Variants in CUX2 observed in about 807,000 individuals in gnomAD.
CUX2 encodes cut like homeobox 2, also known as homeobox protein cut-like 2.
In CUX2, 40 loss-of-function variants were observed where a neutral mutation model predicts 144.8. That is an observed-to-expected ratio of 0.28 (90% confidence interval 0.21 to 0.36). CUX2 has a LOEUF of 0.36. CUX2 is among the 10% of genes least tolerant of loss of function. The probability of loss-of-function intolerance (pLI) is 1.00; values close to 1 mark genes in which losing one functional copy is unlikely to be tolerated. For synonymous variants in CUX2, 827 were observed against 875.6 expected, an observed-to-expected ratio of 0.94 and a Z score of 0.98; for missense variants, 1,615 against 1,994.0, an observed-to-expected ratio of 0.81 and a Z score of 3.62.
At position 111,310,709 on chromosome 12, in the gene CUX2, G is replaced by A. The variant is rs374941815; in HGVS notation, c.1900+27G>A. 6.2e-5 allele frequency: 96 copies of A among 1,557,320 alleles called. No individual in the cohort carries two copies. Among genetic ancestry groups the A allele is most frequent in the Non-Finnish European group, 7.2e-5 (83 of 1,147,060 alleles). On this transcript the variant is annotated intron_variant, in intron 15 of 21. Transcript: ENST00000261726. The surrounding 1 kb of genome is among the most constrained non-coding windows in gnomAD (Gnocchi z 7.9). ...TGAGTGCCCAAGAGGGCCCGTCCCCGCTGGCCACCACGCCAGGTCCAGGGC... is the reference window on the plus strand; with the variant it reads ...TGAGTGCCCAAGAGGGCCCGTCCCCACTGGCCACCACGCCAGGTCCAGGGC...
In CUX2 at chr12:111,293,848, C is replaced by T. The variant is rs1242259141; in HGVS notation, c.560+279C>T. On this transcript the variant is annotated intron_variant, in intron 6 of 21. Coordinates refer to ENST00000261726, the MANE Select transcript of CUX2 (RefSeq NM_015267.4). This position sits in a 1 kb window ranked among gnomAD's most constrained non-coding sequence, Gnocchi z 4.5. Reference sequence around the variant, plus strand: ...TAAGGGTGGTCCATTCCTCAGCATTCTCTAGAGAAACTGAACTGGTAGGAT... The same window carrying T: ...TAAGGGTGGTCCATTCCTCAGCATTTTCTAGAGAAACTGAACTGGTAGGAT... Among the ~76,000 whole-genome samples, 18 of 152,222 alleles carry T rather than the reference C, an allele frequency of 1.2e-4. 1 individual carries two copies. Among genetic ancestry groups the T allele is most frequent in the Admixed American group, 1.2e-3 (18 of 15,284 alleles).
chr12:111,325,294 AAAAG>A lies in CUX2; in HGVS notation c.2926+2718_2926+2721del, dbSNP rs555887597. On this transcript the variant is annotated intron_variant, in intron 18 of 21. Transcript: ENST00000261726. ...GGGCGACAGAGCGAGACTCCGTCTC[AAAAG>A]AAAAAAAAAAAAGCAGCCATGCTAA... 8.3e-3 allele frequency among the ~76,000 whole-genome samples: 806 copies of A among 96,538 alleles called. 30 individuals carry two copies. The East Asian group carries it at 0.34, about 41-fold the overall frequency. 63.3% of individuals were successfully genotyped at this position (96,538 alleles called of 152,430 possible). A position where few individuals can be genotyped will look rare whatever the true frequency, so the allele number is the denominator to read the frequency against.
intron 1 of CUX2, among the ~76,000 whole-genome samples, chr12:111,199,114 G>T (rs1003355765): frequency 2.6e-5 from 4 of 152,204 alleles, no homozygotes; most frequent in Non-Finnish European, 4.4e-5. Context: ...GAGGGTAGCA[G>T]CTTGGACAAA....
chr12:111,306,873 A>AC (rs752521078), intron 10 of CUX2, 48 bp from the exon 11 acceptor site: 1 of 1,479,082 alleles, frequency 6.8e-7, no homozygotes, highest in Non-Finnish European at 9.2e-7. Context: ...AGACCTGTGG[A>AC]CCCCCATCCC....
At chr12:111,062,193 T>C (rs1347688778) in intron 1 of CUX2, among the ~76,000 whole-genome samples, 2 of 152,222 alleles carry the variant, frequency 1.3e-5, no homozygotes, top group African/African-American at 2.4e-5. Context: ...GTAGGTACTT[T>C]TCTGCCTGTG....
chr12:111,133,676 TCA>T (rs1180040472), intron 1 of CUX2, among the ~76,000 whole-genome samples: 5 of 152,166 alleles, frequency 3.3e-5, no homozygotes, highest in Non-Finnish European at 5.9e-5. Flanking sequence ...TGCTGGGAAT[TCA>T]GTCTAGTTAC....
At chr12:111,133,029 C>T (rs1448919941) in intron 1 of CUX2, among the ~76,000 whole-genome samples, 1 of 152,158 alleles carries the variant, frequency 6.6e-6, no homozygotes, top group East Asian at 1.9e-4. Context: ...AGTCTCTTTG[C>T]TAAAACATAA....
At position 111,214,304 on chromosome 12, in the gene CUX2, A is replaced by T. The variant is rs753357543; in HGVS notation, c.168A>T (p.Val56=). 1.3e-6 allele frequency: 2 copies of T among 1,570,302 alleles called. No homozygotes were observed. Among genetic ancestry groups the T allele is most frequent in the Non-Finnish European group, 1.7e-6 (2 of 1,145,442 alleles). ...TCCGCCGGGAATTTAAGAAAAATGT[A>T]CCTGAGGTATGGTATATTTGCCGTT... ...IELRREFKKN[V]PEEIREMVAP... is the part of the protein sequence containing the mutation. Residue 56 remains valine, a synonymous_variant, in exon 2 of 22, where the codon GTA becomes GTT. Coordinates refer to ENST00000261726, the MANE Select transcript of CUX2 (RefSeq NM_015267.4).
chr12:111,261,943 C>T (rs1189811941), intron 3 of CUX2, among the ~76,000 whole-genome samples: 1 of 152,096 alleles, frequency 6.6e-6, no homozygotes, highest in Non-Finnish European at 1.5e-5. Flanking sequence ...TTAAAAAAGA[C>T]CTACCTACAG....
At position 111,037,318 on chromosome 12, in the gene CUX2, C is replaced by T. The variant is rs1460846839; in HGVS notation, c.63+3078C>T. 1.3e-5 allele frequency among the ~76,000 whole-genome samples: 2 copies of T among 152,250 alleles called. No homozygotes were observed. The highest frequency in any genetic ancestry group is 4.8e-5 in the African/African-American group (2 of 41,458). Reference sequence around the variant, plus strand: ...CCCGTGTCCCCAGGCCATACCACGTCGCTGACGCCATACCGATCCTGGCAA... The same window carrying T: ...CCCGTGTCCCCAGGCCATACCACGTTGCTGACGCCATACCGATCCTGGCAA... On this transcript the variant is annotated intron_variant, in intron 1 of 21. Transcript: ENST00000261726. The surrounding 1 kb of genome is among the most constrained non-coding windows in gnomAD (Gnocchi z 5.4).
At chr12:111,281,042 G>A (rs554519161) in intron 4 of CUX2, among the ~76,000 whole-genome samples, 13 of 152,170 alleles carry the variant, frequency 8.5e-5, no homozygotes, top group African/African-American at 2.4e-4. Flanking sequence ...CAGGACTCTT[G>A]CAGTAGCCGC....
Position 111,291,571 on chromosome 12 carries a change from C to T in CUX2, c.436+19C>T, listed in dbSNP as rs374936142. 14 of 1,581,202 alleles carry T rather than the reference C, an allele frequency of 8.9e-6. No individual in the cohort carries two copies. The East Asian group carries it at 1.4e-4, about 15-fold the overall frequency. On this transcript the variant is annotated intron_variant, in intron 5 of 21. Coordinates refer to ENST00000261726, the MANE Select transcript of CUX2 (RefSeq NM_015267.4). ...CCCAAAGGTACTGATAAGGCCTTCT[C>T]GGAGCGTCTACAATAAACAACCAGG...
chr12:111,237,812 C>T lies in CUX2; in HGVS notation c.222+19875C>T, dbSNP rs114663111. ...TGCTGTCCTCAACTCAGGGCCTTTG[C>T]ACCTGTTCTTCCCTCTGCTCTTCCC... On this transcript the variant is annotated intron_variant, in intron 3 of 21. Transcript: ENST00000261726. Among the ~76,000 whole-genome samples the T allele has an allele frequency of 5.8e-3, 878 of 152,302 alleles. 4 individuals are homozygous for T. Among genetic ancestry groups the T allele is most frequent in the African/African-American group, 0.02 (838 of 41,554 alleles).
intron 17 of CUX2, among the ~76,000 whole-genome samples, chr12:111,321,184 T>C (rs890151308): frequency 3.3e-5 from 5 of 151,688 alleles, no homozygotes; most frequent in Admixed American, 2.6e-4. Context: ...AATACAAAAA[T>C]TAAGCTGGGC....
At chr12:111,158,567 G>A (rs923400377) in intron 1 of CUX2, among the ~76,000 whole-genome samples, 7 of 152,004 alleles carry the variant, frequency 4.6e-5, no homozygotes, top group Admixed American at 6.6e-5. Flanking sequence ...GGCTGGGGAA[G>A]GGAATGGGAC....
chr12:111,253,867 T>C (rs988027853), intron 3 of CUX2, among the ~76,000 whole-genome samples: 1 of 150,720 alleles, frequency 6.6e-6, no homozygotes, highest in African/African-American at 2.4e-5. Flanking sequence ...TCCTCAAAAG[T>C]AGTTGTGGTT....
chr12:111,209,638 A>G (rs1189935483), intron 1 of CUX2, among the ~76,000 whole-genome samples: 2 of 152,112 alleles, frequency 1.3e-5, no homozygotes, highest in Non-Finnish European at 1.5e-5. Context: ...TTGGAGGACT[A>G]AGTCCCAAGA....
intron 1 of CUX2, among the ~76,000 whole-genome samples, chr12:111,100,510 GAC>G (rs1347903202): frequency 1.3e-5 from 2 of 152,096 alleles, no homozygotes; most frequent in African/African-American, 4.8e-5. Flanking sequence ...ATCTTAAGGA[GAC>G]ACATGGGTGC....
At position 111,186,435 on chromosome 12, in the gene CUX2, C is replaced by T. The variant is rs116977490; in HGVS notation, c.64-27765C>T. On this transcript the variant is annotated intron_variant, in intron 1 of 21. Coordinates refer to ENST00000261726, the MANE Select transcript of CUX2 (RefSeq NM_015267.4). This position sits in a 1 kb window ranked among gnomAD's most constrained non-coding sequence, Gnocchi z 4.4. ...GTTGCTATGACGTTAAGCTGAGACC[C>T]GAAGCATAAACTAGGCGGGGAACAG... is the stretch of plus-strand genomic sequence containing the variant. 3.7e-4 allele frequency among the ~76,000 whole-genome samples: 57 copies of T among 152,258 alleles called. No homozygotes were observed. In the East Asian group the frequency reaches 7.9e-3, roughly 21 times the overall value.
Sources: allele counts gnomAD v4.1 joint callset (sites outside exome capture counted in the v4.1 genomes callset), GRCh38; gene constraint gnomAD v4.1.1; non-coding constraint Gnocchi (gnomAD v3.1); transcripts MANE v1.5; gene names NCBI Gene and HGNC (gene_info 2026-07-23, HGNC 2026-07-21).